Variants in CHRM2 observed in about 807,000 individuals in gnomAD.
CHRM2 encodes the protein cholinergic receptor muscarinic 2, also known as muscarinic acetylcholine receptor M2.
Under a neutral mutation model 25.0 loss-of-function variants are expected in CHRM2, and 8 were observed. That is an observed-to-expected ratio of 0.32 (90% CI 0.19 to 0.58). CHRM2 has a LOEUF of 0.58. Among genes scored for constraint, CHRM2 ranks in the 20% least tolerant of loss-of-function variants. The pLI, the probability that CHRM2 is intolerant of heterozygous loss-of-function variation, is 0.88. For synonymous variants in CHRM2, 202 were observed against 205.7 expected, an observed-to-expected ratio of 0.98 and a Z score of 0.15; for missense variants, 440 against 567.1, an observed-to-expected ratio of 0.78 and a Z score of 2.28.
chr7:137,000,977 G>A (rs565128085), intron 3 of CHRM2, among the ~76,000 whole-genome samples: 13 of 152,274 alleles, frequency 8.5e-5, no homozygotes, highest in African/African-American at 3.1e-4. Flanking sequence ...GAATAAAGAA[G>A]CCAGCTATAG....
intron 2 of CHRM2, among the ~76,000 whole-genome samples, chr7:136,939,196 T>C (rs1799618827): frequency 6.6e-6 from 1 of 152,188 alleles, no homozygotes; most frequent in African/African-American, 2.4e-5. Flanking sequence ...GTAATATCAA[T>C]CACCTCTTTT....
At chr7:136,884,724 C>T (rs752512809) in intron 2 of CHRM2, among the ~76,000 whole-genome samples, 3 of 152,058 alleles carry the variant, frequency 2.0e-5, no homozygotes, top group Admixed American at 6.6e-5. Flanking sequence ...TTTTAAGAGG[C>T]GTTTGGAACT....
chr7:137,009,117 C>T (rs1322576788), intron 3 of CHRM2, among the ~76,000 whole-genome samples: 1 of 152,114 alleles, frequency 6.6e-6, no homozygotes, highest in Non-Finnish European at 1.5e-5. Context: ...TAGCTTATTA[C>T]ATTAGAAATT....
At chr7:136,935,014 G>T (rs1000234552) in intron 2 of CHRM2, among the ~76,000 whole-genome samples, 1 of 152,070 alleles carries the variant, frequency 6.6e-6, no homozygotes. Flanking sequence ...AAATGAGGAT[G>T]CATTCAAGGT....
chr7:136,935,346 A>G (rs1799351216), intron 2 of CHRM2, among the ~76,000 whole-genome samples: 1 of 152,222 alleles, frequency 6.6e-6, no homozygotes, highest in Admixed American at 6.5e-5. Context: ...GGCAGGGGTC[A>G]GATAAGGTAC....
At chr7:136,964,538 A>G (rs576309664) in intron 2 of CHRM2, among the ~76,000 whole-genome samples, 7 of 152,308 alleles carry the variant, frequency 4.6e-5, no homozygotes, top group African/African-American at 1.7e-4. Flanking sequence ...ACCAGTCAGC[A>G]TTGCCAAATT....
At chr7:137,014,260 CTATTAAG>C (rs1584926474) in intron 3 of CHRM2, among the ~76,000 whole-genome samples, 1 of 151,914 alleles carries the variant, frequency 6.6e-6, no homozygotes, top group East Asian at 2.0e-4. Context: ...AGTATACTGG[CTATTAAG>C]TATTATTATA....
At chr7:136,927,040 C>G (rs922574986) in intron 2 of CHRM2, among the ~76,000 whole-genome samples, 1 of 144,248 alleles carries the variant, frequency 6.9e-6, no homozygotes, top group Non-Finnish European at 1.6e-5. Context: ...TGTAACAGGA[C>G]GTCAGCTCCT....
At chr7:136,987,037 C>T (rs1057288941) in intron 2 of CHRM2, among the ~76,000 whole-genome samples, 1 of 152,204 alleles carries the variant, frequency 6.6e-6, no homozygotes, top group Non-Finnish European at 1.5e-5. Flanking sequence ...CAAACAAAAA[C>T]TGATTTTCTC....
chr7:136,881,151 C>T (rs932468840), intron 2 of CHRM2, among the ~76,000 whole-genome samples: 1 of 149,128 alleles, frequency 6.7e-6, no homozygotes, highest in African/African-American at 2.5e-5. Flanking sequence ...TACCTTAACT[C>T]CTGACAACCA....
intron 2 of CHRM2, among the ~76,000 whole-genome samples, chr7:136,913,612 C>G (rs1797959441): frequency 6.6e-6 from 1 of 151,588 alleles, no homozygotes; most frequent in African/African-American, 2.4e-5. Flanking sequence ...ACCAAAATAA[C>G]CAAAACCTAG....
chr7:136,927,674 T>A (rs183496973), intron 2 of CHRM2, among the ~76,000 whole-genome samples: 2 of 152,330 alleles, frequency 1.3e-5, no homozygotes, highest in Middle Eastern at 3.4e-3. Flanking sequence ...ATTTCCAAAA[T>A]AATGGTTTTA....
intron 2 of CHRM2, among the ~76,000 whole-genome samples, chr7:136,944,545 A>G (rs1371339221): frequency 1.3e-5 from 2 of 152,062 alleles, no homozygotes; most frequent in South Asian, 2.1e-4. Context: ...ATACATATAT[A>G]TCACAGTTTC....
chr7:136,942,972 T>C (rs1799861674), intron 2 of CHRM2, among the ~76,000 whole-genome samples: 2 of 152,166 alleles, frequency 1.3e-5, no homozygotes, highest in Admixed American at 1.3e-4. Context: ...ATTTCCATTT[T>C]AATCATAGCT....
At chr7:137,005,428 C>T (rs1268993919) in intron 3 of CHRM2, among the ~76,000 whole-genome samples, 1 of 152,022 alleles carries the variant, frequency 6.6e-6, no homozygotes, top group African/African-American at 2.4e-5. Flanking sequence ...TTTCTATATA[C>T]TCTGAAAAAA....
chr7:136,926,762 G>A (rs964555782), intron 2 of CHRM2, among the ~76,000 whole-genome samples: 1 of 152,174 alleles, frequency 6.6e-6, no homozygotes, highest in African/African-American at 2.4e-5. Flanking sequence ...ACTCTGCTGT[G>A]AGCGTCCAGG....
chr7:136,985,974 GA>G (rs2130996451), intron 2 of CHRM2, among the ~76,000 whole-genome samples: 1 of 152,306 alleles, frequency 6.6e-6, no homozygotes, highest in African/African-American at 2.4e-5. Context: ...AAACAGAGGA[GA>G]GGGGGATCTT....
intron 2 of CHRM2, among the ~76,000 whole-genome samples, chr7:136,874,165 A>G (rs1795955717): frequency 6.6e-6 from 1 of 152,138 alleles, no homozygotes; most frequent in South Asian, 2.1e-4. Context: ...CTTTTTCTAT[A>G]AGATTGTTGG....
intron 3 of CHRM2, among the ~76,000 whole-genome samples, chr7:136,996,308 AC>A (rs1239038690): frequency 6.6e-6 from 1 of 152,082 alleles, no homozygotes; most frequent in Non-Finnish European, 1.5e-5. Context: ...ACATGTAAAA[AC>A]ATCTATAAAA....
Sources: allele counts gnomAD v4.1 joint callset (sites outside exome capture counted in the v4.1 genomes callset), GRCh38; gene constraint gnomAD v4.1.1; transcripts MANE v1.5; gene names NCBI Gene and HGNC (gene_info 2026-07-23, HGNC 2026-07-21).